Variants in DDX20 observed in about 807,000 individuals in gnomAD.
The protein encoded by DDX20 is probable ATP-dependent RNA helicase DDX20.
In DDX20, 61 loss-of-function variants were observed where a neutral mutation model predicts 76.4. The observed-to-expected ratio is 0.80, with a 90% confidence interval of 0.65 to 0.99. DDX20 has a LOEUF of 0.99. DDX20 is among the 50% of genes least tolerant of loss of function. The pLI, the probability that DDX20 is intolerant of heterozygous loss-of-function variation, is 0.00. For missense variants in DDX20, 976 were observed against 996.8 expected, an observed-to-expected ratio of 0.98 and a Z score of 0.28; for synonymous variants, 357 against 357.4, an observed-to-expected ratio of 1.00 and a Z score of 0.01.
chr1:111,761,275 T>A lies in DDX20; in HGVS notation c.1012T>A (p.Cys338Ser). Reference sequence around the variant, plus strand: ...TTCTTCTAAAGGCTTTCCTGCTGAGTGCATTTCAGGTAAGTTCATCTCTTA... The same window carrying A: ...TTCTTCTAAAGGCTTTCCTGCTGAGAGCATTTCAGGTAAGTTCATCTCTTA... ...ILSSKGFPAE[C>S]ISGNMNQNQR... is the part of the protein sequence containing the mutation. The change falls in exon 7 of 11, where the codon TGC (cysteine) becomes AGC (serine). Residue 338 changes from cysteine to serine, a missense_variant. Around this residue, in one of 3 missense-constraint regions of DDX20, gnomAD observed 630 missense variants for 693.7 expected, o/e 0.91. Coordinates refer to ENST00000369702, the MANE Select transcript of DDX20 (RefSeq NM_007204.5). The A allele has an allele frequency of 6.2e-7, 1 of 1,613,048 alleles. No individual in the cohort carries two copies. Among genetic ancestry groups the A allele is most frequent in the Non-Finnish European group, 8.5e-7 (1 of 1,179,452 alleles).
rs1387387654 is a variant in DDX20 at position 111,756,131 on chromosome 1, T to G, written c.207T>G (p.Leu69=). ...CGGCCGACTTCGAGTCACTGCTGCT[T>G]TCGCGGCCGGTGCTGGAGGGGCTGC... The part of the protein sequence containing the change: ...AEPADFESLL[L]SRPVLEGLRA... Residue 69 remains leucine (L), a synonymous_variant, in exon 1 of 11, where the codon CTT becomes CTG. Coordinates refer to ENST00000369702, the MANE Select transcript of DDX20 (RefSeq NM_007204.5). The G allele has an allele frequency of 6.3e-7, 1 of 1,587,240 alleles. No homozygotes were observed. Among genetic ancestry groups the G allele is most frequent in the Non-Finnish European group, 8.5e-7 (1 of 1,174,560 alleles).
chr1:111,765,651 C>G (rs929675120), intron 10 of DDX20, 86 bp from the exon 11 acceptor site: 65 of 1,117,230 alleles, frequency 5.8e-5, no homozygotes, highest in Non-Finnish European at 8.3e-5. Context: ...TGTATTTGAT[C>G]ATAGAAAACT....
chr1:111,762,470 C>T (rs1467680309), intron 8 of DDX20, 133 bp downstream of exon 8: 1 of 862,576 alleles, frequency 1.2e-6, no homozygotes, highest in Non-Finnish European at 1.8e-6. Context: ...CTTTCCAGTG[C>T]TGAGGAAAAT....
intron 3 of DDX20, 29 bp downstream of exon 3, chr1:111,759,597 G>A (rs538779): frequency 0.21 from 326,489 of 1,582,882 alleles, 34,816 homozygotes; most frequent in Admixed American, 0.27. Flanking sequence ...TTGGTAACCA[G>A]GGCTTTTAAG....
Position 111,766,834 on chromosome 1 carries a change from A to T in DDX20, c.2410A>T (p.Ser804Cys), listed in dbSNP as rs1345398828. The T allele has an allele frequency of 1.2e-6, 2 of 1,614,108 alleles. No individual in the cohort carries two copies. The highest frequency in any genetic ancestry group is 2.2e-5 in the East Asian group (1 of 44,894). The change falls in exon 11 of 11, where the codon AGT (serine) becomes TGT (cysteine). Residue 804 changes from serine (S) to cysteine (C), a missense_variant. By Grantham distance (112) the Ser-to-Cys change is moderately radical (BLOSUM62 -1). Coordinates refer to ENST00000369702, the MANE Select transcript of DDX20 (RefSeq NM_007204.5). ...TTATTGGAATGCTCAGAGACATCCA[A>T]GTTGGATGGCAGCTTATCACATGAA... is the stretch of plus-strand genomic sequence containing the variant. ...SYYWNAQRHP[S>C]WMAAYHMNTI...
chr1:111,760,585 T>TA lies in DDX20; in HGVS notation c.680dup (p.Asn227LysfsTer11). On this transcript the variant is annotated frameshift_variant, in exon 4 of 11. Transcript: ENST00000369702. LOFTEE classifies it high-confidence loss of function. ...GAAGAAGGCAGCTTCCAGGAGCAAA[T>TA]AAAGTAAGAAAAATAACTAACTTGA... The TA allele has an allele frequency of 6.2e-7, 1 of 1,607,736 alleles. No individual in the cohort carries two copies. The highest frequency in any genetic ancestry group is 8.5e-7 in the Non-Finnish European group (1 of 1,178,096).
At chr1:111,758,584 T>C (rs1022344684) in intron 2 of DDX20, among the ~76,000 whole-genome samples, 12 of 152,288 alleles carry the variant, frequency 7.9e-5, no homozygotes, top group Non-Finnish European at 1.5e-4. Context: ...TGCCATCTTA[T>C]GGCCTTTCCA....
chr1:111,765,952 A>C lies in DDX20; in HGVS notation c.1528A>C (p.Asn510His), dbSNP rs1663769109. ...ATCTGGACTATCAGTCAAATCAAAA[A>C]ATAATACCAAACAAAAGCTTCCTGT... is the stretch of plus-strand genomic sequence containing the variant. ...SVSGLSVKSK[N>H]NTKQKLPVKS... is the part of the protein sequence containing the mutation. The change falls in exon 11 of 11, where the codon AAT (asparagine) becomes CAT (histidine). Residue 510 changes from asparagine to histidine, a missense_variant. Asn to His is a moderately conservative substitution (Grantham distance 68, BLOSUM62 1). This residue lies in a region of DDX20 where 630 missense variants were observed against 693.7 expected (regional missense o/e 0.91). Coordinates refer to ENST00000369702, the MANE Select transcript of DDX20 (RefSeq NM_007204.5). 6.2e-7 allele frequency: 1 copy of C among 1,613,274 alleles called. No individual in the cohort carries two copies. Among genetic ancestry groups the C allele is most frequent in the Admixed American group, 1.7e-5 (1 of 59,778 alleles).
intron 10 of DDX20, among the ~76,000 whole-genome samples, chr1:111,765,059 C>T (rs1181827209): frequency 6.6e-6 from 1 of 152,144 alleles, no homozygotes; most frequent in East Asian, 1.9e-4. Flanking sequence ...TCTTGTCTGC[C>T]TAAGACAAAA....
At chr1:111,758,770 C>T (rs907256528) in intron 2 of DDX20, among the ~76,000 whole-genome samples, 3 of 152,070 alleles carry the variant, frequency 2.0e-5, no homozygotes, top group Non-Finnish European at 4.4e-5. Context: ...TTTTTATTAC[C>T]TGTCATTACT....
At position 111,760,661 on chromosome 1, in the gene DDX20, A is replaced by G. The variant is rs781746744; in HGVS notation, c.681-45A>G. 3 of 1,602,086 alleles carry G rather than the reference A, an allele frequency of 1.9e-6. No individual in the cohort carries two copies. The South Asian group carries it at 3.4e-5, about 18-fold the overall frequency. Reference sequence around the variant, plus strand: ...CTATCTTTAGCTTTTCCAAGTGGTGATTATTGTTTGAATAATTTACATGGT... The same window carrying G: ...CTATCTTTAGCTTTTCCAAGTGGTGGTTATTGTTTGAATAATTTACATGGT... On this transcript the variant is annotated intron_variant, in intron 4 of 10. Coordinates refer to ENST00000369702, the MANE Select transcript of DDX20 (RefSeq NM_007204.5).
At chr1:111,759,994 A>AAT (rs1445346200) in intron 3 of DDX20, among the ~76,000 whole-genome samples, 3 of 138,150 alleles carry the variant, frequency 2.2e-5, no homozygotes, top group African/African-American at 9.8e-5. Flanking sequence ...AAAAAAAAAA[A>AAT]AGAAATGAAG....
Position 111,756,216 on chromosome 1 carries a change from T to G in DDX20, c.292T>G (p.Cys98Gly). The G allele has an allele frequency of 3.1e-6, 4 of 1,308,506 alleles. No individual in the cohort carries two copies. The highest frequency in any genetic ancestry group is 1.6e-5 in the South Asian group (1 of 61,976). The allele number at this position is 1,308,506 out of a possible 1,614,324, so 81.1% of individuals were successfully genotyped here. A position where few individuals can be genotyped will look rare whatever the true frequency, so the allele number is the denominator to read the frequency against. ...VQLKAIPLGR[C>G]GLDLIVQAKS... ...GCTCAAGGCCATCCCGTTGGGGCGC[T>G]GCGGGCTCGGTGAGAGCGGGGGCCC... Residue 98 changes from cysteine to glycine, a missense_variant, in exon 1 of 11, where the codon TGC (cysteine) becomes GGC (glycine). Cys to Gly is a radical substitution (Grantham distance 159, BLOSUM62 -3). This residue lies in a region of DDX20 where 343 missense variants were observed against 286.4 expected (regional missense o/e 1.20). Coordinates refer to ENST00000369702, the MANE Select transcript of DDX20 (RefSeq NM_007204.5).
chr1:111,756,820 A>G, intron 2 of DDX20, 80 bp downstream of exon 2: 1 of 1,160,126 alleles, frequency 8.6e-7, no homozygotes, highest in Non-Finnish European at 1.3e-6. Context: ...GTAGCTCCTC[A>G]GAGCTGGAAG....
chr1:111,758,017 G>A (rs1016620831), intron 2 of DDX20, among the ~76,000 whole-genome samples: 1 of 146,004 alleles, frequency 6.8e-6, no homozygotes, highest in South Asian at 2.1e-4. Context: ...CCACACGCCC[G>A]GCTAATTTTT....
At position 111,759,388 on chromosome 1, in the gene DDX20, G is replaced by GTT. The variant is rs563239772; in HGVS notation, c.397-4_397-3dup. 13 of 1,573,690 alleles carry GTT rather than the reference G, an allele frequency of 8.3e-6. No homozygotes were observed. Among genetic ancestry groups the GTT allele is most frequent in the Middle Eastern group, 1.7e-4 (1 of 5,738 alleles). ...CTCTGACTCAAAGGTGTAATTTATG[G>GTT]TTTTTTTTTAGATTTTGATCTTGGC... On this transcript the variant is annotated splice_polypyrimidine_tract_variant and intron_variant, in intron 2 of 10. Transcript: ENST00000369702.
At chr1:111,765,665 T>G in intron 10 of DDX20, 72 bp from the exon 11 acceptor site, 5 of 1,299,462 alleles carry the variant, frequency 3.8e-6, no homozygotes, top group Non-Finnish European at 5.3e-6. Flanking sequence ...GAAAACTTTA[T>G]GAAATCATTC....
chr1:111,764,357 A>C (rs1209181018), intron 10 of DDX20, among the ~76,000 whole-genome samples: 1 of 152,206 alleles, frequency 6.6e-6, no homozygotes, highest in African/African-American at 2.4e-5. Context: ...TATTGAATAA[A>C]TATAATTGAG....
intron 1 of DDX20, 66 bp from the exon 2 acceptor site, chr1:111,756,575 CTGATT>C: frequency 7.5e-7 from 1 of 1,331,592 alleles, no homozygotes; most frequent in East Asian, 2.3e-5. Flanking sequence ...TTCTAGTTCT[CTGATT>C]CCATGTTAGC....
Sources: gnomAD v4.1 joint callset for allele counts (sites outside exome capture counted in the v4.1 genomes callset) on GRCh38, gnomAD v4.1.1 for gene constraint, gnomAD v4.1.1 regional missense constraint, MANE v1.5 for transcripts, NCBI Gene and HGNC (gene_info 2026-07-23, HGNC 2026-07-21) for gene names.